The following PTPRN2 variants were observed in gnomAD, a reference collection of about 807,000 sequenced individuals.
PTPRN2 encodes the protein protein tyrosine phosphatase receptor type N2.
In PTPRN2, 74 loss-of-function variants were observed where a neutral mutation model predicts 118.8. The observed-to-expected ratio is 0.62, with a 90% CI of 0.52 to 0.76. PTPRN2 has a LOEUF of 0.76. Among genes scored for constraint, PTPRN2 ranks in the 30% least tolerant of loss-of-function variants. PTPRN2 has a pLI of 0.00. For synonymous variants in PTPRN2, 641 were observed against 608.0 expected (o/e 1.05, Z -0.80); for missense variants, 1,481 against 1,394.4 (o/e 1.06, Z -0.99).
At chr7:158,104,052 G>A (rs982501756) in intron 10 of PTPRN2, among the ~76,000 whole-genome samples, 1 of 151,962 alleles carries the variant, frequency 6.6e-6, no homozygotes, top group Non-Finnish European at 1.5e-5. Context: ...AAGTAGAGAT[G>A]GGGTTTCACC....
intron 9 of PTPRN2, among the ~76,000 whole-genome samples, chr7:158,122,703 A>G (rs772937127): frequency 1.2e-4 from 19 of 152,236 alleles, no homozygotes; most frequent in Non-Finnish European, 2.8e-4. Context: ...CCGAGGCTAG[A>G]GAAACTAAAG....
At chr7:158,164,224 C>T (rs28536012) in intron 6 of PTPRN2, among the ~76,000 whole-genome samples, 91,892 of 146,802 alleles carry the variant, frequency 0.63, 29,508 homozygotes, top group East Asian at 0.78. Flanking sequence ...CAGGAGCGCG[C>T]AGGAAGGGCT....
At chr7:157,950,489 A>C (rs1176373050) in intron 11 of PTPRN2, among the ~76,000 whole-genome samples, 1 of 151,560 alleles carries the variant, frequency 6.6e-6, no homozygotes, top group East Asian at 1.9e-4. Flanking sequence ...TGGGTGGGTC[A>C]AATGCTCACT....
Position 158,384,673 on chromosome 7 carries a change from A to T in PTPRN2, c.164-67741T>A, listed in dbSNP as rs1811199100. Among the ~76,000 whole-genome samples, 3 of 152,352 alleles carry T rather than the reference A, an allele frequency of 2.0e-5. No homozygotes were observed. The South Asian group carries it at 6.2e-4, about 32-fold the overall frequency. On this transcript the variant is annotated intron_variant, in intron 2 of 22. Transcript: ENST00000389418. ...GTGGGAGGGAATGAACCTTCCCTTC[A>T]TCAAAAATCACTGCAAACTGTGTGC...
intron 1 of PTPRN2, among the ~76,000 whole-genome samples, chr7:158,557,124 G>A (rs373939006): frequency 1.1e-4 from 14 of 130,834 alleles, no homozygotes; most frequent in Admixed American, 7.0e-4. Context: ...TCGCTCCCGC[G>A]CAGGGCAGGC....
At position 157,539,353 on chromosome 7, in the gene PTPRN2, CATCT is replaced by C. The variant is rs1440784961; in HGVS notation, c.*1357_*1360del. 5.9e-5 allele frequency: 9 copies of C among 151,958 alleles called. No homozygotes were observed. Among genetic ancestry groups the C allele is most frequent in the Admixed American group, 2.0e-4 (3 of 15,300 alleles). 9.4% of individuals were successfully genotyped at this position (151,958 alleles called of 1,614,324 possible). A position where few individuals can be genotyped will look rare whatever the true frequency, so the allele number is the denominator to read the frequency against. ...CTCTGGTAGGGCCTTTGGAGAGTAC[CATCT>C]ATCTAAGATGGAGGAATGCTGTGGG... is the stretch of plus-strand genomic sequence containing the variant. On this transcript the variant is annotated 3_prime_UTR_variant, in exon 23 of 23. Coordinates refer to ENST00000389418, the MANE Select transcript of PTPRN2 (RefSeq NM_002847.5).
At chr7:158,267,135 T>G (rs1416690105) in intron 3 of PTPRN2, among the ~76,000 whole-genome samples, 2 of 152,236 alleles carry the variant, frequency 1.3e-5, no homozygotes, top group Non-Finnish European at 2.9e-5. Flanking sequence ...TTAAGAGATC[T>G]AGAAATGTTG....
At chr7:157,756,307 T>A (rs1455184800) in intron 12 of PTPRN2, among the ~76,000 whole-genome samples, 1 of 150,802 alleles carries the variant, frequency 6.6e-6, no homozygotes. Flanking sequence ...TTAATTAATT[T>A]TTTTTTTTTT....
intron 2 of PTPRN2, among the ~76,000 whole-genome samples, chr7:158,329,852 T>C (rs1242261659): frequency 6.6e-6 from 1 of 152,164 alleles, no homozygotes; most frequent in Admixed American, 6.5e-5. Flanking sequence ...ACTTTCACTT[T>C]AGACTGTAGA....
intron 2 of PTPRN2, among the ~76,000 whole-genome samples, chr7:158,457,791 G>C (rs2951739): frequency 7.7e-6 from 1 of 129,668 alleles, no homozygotes; most frequent in Non-Finnish European, 1.6e-5. Flanking sequence ...CCCAGTCAGC[G>C]CACGGTGAGG....
rs565491219 is a variant in PTPRN2 at position 157,723,765 on chromosome 7, C to T, written c.1789-40828G>A. Among the ~76,000 whole-genome samples, 212 of 152,276 alleles carry T rather than the reference C, an allele frequency of 1.4e-3. 1 individual carries two copies. The highest frequency in any genetic ancestry group is 2.1e-3 in the Non-Finnish European group (142 of 68,028). On this transcript the variant is annotated intron_variant, in intron 12 of 22. Coordinates refer to ENST00000389418, the MANE Select transcript of PTPRN2 (RefSeq NM_002847.5). Reference sequence around the variant, plus strand: ...TGAAAGGCAAGCTCTGGAAGGAACACGGACCCTGAGCAAGTGTGAGAGACG... The same window carrying T: ...TGAAAGGCAAGCTCTGGAAGGAACATGGACCCTGAGCAAGTGTGAGAGACG...
intron 2 of PTPRN2, among the ~76,000 whole-genome samples, chr7:158,430,391 A>G (rs1816073671): frequency 6.6e-6 from 1 of 152,226 alleles, no homozygotes; most frequent in Non-Finnish European, 1.5e-5. Flanking sequence ...ACTTGTGGGA[A>G]GTCTCTGGTG....
intron 12 of PTPRN2, among the ~76,000 whole-genome samples, chr7:157,708,048 T>G (rs570246449): frequency 6.6e-6 from 1 of 152,378 alleles, no homozygotes; most frequent in African/African-American, 2.4e-5. Flanking sequence ...GCAGTGTGCA[T>G]CTGCCTTGGG....
At chr7:158,164,960 C>T (rs1487254776) in intron 6 of PTPRN2, among the ~76,000 whole-genome samples, 2 of 152,162 alleles carry the variant, frequency 1.3e-5, no homozygotes, top group Admixed American at 6.5e-5. Context: ...TACACGGACC[C>T]AAGGTCGCAA....
At chr7:158,395,631 G>T (rs1390934945) in intron 2 of PTPRN2, among the ~76,000 whole-genome samples, 1 of 104,992 alleles carries the variant, frequency 9.5e-6, no homozygotes, top group East Asian at 3.5e-4. Flanking sequence ...AGGGGCGAGG[G>T]GCCAGGGGCG....
At chr7:158,051,948 G>T (rs1809357375) in intron 11 of PTPRN2, among the ~76,000 whole-genome samples, 1 of 152,142 alleles carries the variant, frequency 6.6e-6, no homozygotes, top group Non-Finnish European at 1.5e-5. Flanking sequence ...AAAAGGTAGT[G>T]TTACTCATGC....
Position 158,022,048 on chromosome 7 carries a change from C to T in PTPRN2, c.1723+59250G>A, listed in dbSNP as rs78027139. Among the ~76,000 whole-genome samples, 58 of 152,262 alleles carry T rather than the reference C, an allele frequency of 3.8e-4. No homozygotes were observed. The East Asian group carries it at 0.011, about 28-fold the overall frequency. Reference sequence around the variant, plus strand: ...GGCGAGACCCCACACTCCAGCTGGCCTCCTCCCTGAAGGGCCAGATGGGTG... The same window carrying T: ...GGCGAGACCCCACACTCCAGCTGGCTTCCTCCCTGAAGGGCCAGATGGGTG... On this transcript the variant is annotated intron_variant, in intron 11 of 22. Transcript: ENST00000389418. The surrounding 1 kb of genome is among the most constrained non-coding windows in gnomAD (Gnocchi z 4.6).
chr7:158,110,562 T>C (rs1816148787), intron 10 of PTPRN2, among the ~76,000 whole-genome samples: 1 of 152,208 alleles, frequency 6.6e-6, no homozygotes, highest in Non-Finnish European at 1.5e-5. Flanking sequence ...CAGAATGTTC[T>C]AGAGCCTTCG....
In PTPRN2 at chr7:158,089,611, AT is replaced by A. The variant is rs1563419537; in HGVS notation, c.1644-8235del. ...TCTTCACACAAACCTTCTTCCCCTG[AT>A]GAAAGAGGGAGTCTTCACACAAACC... On this transcript the variant is annotated intron_variant, in intron 10 of 22. Transcript: ENST00000389418. Among the ~76,000 whole-genome samples, 298 of 122,054 alleles carry A rather than the reference AT, an allele frequency of 2.4e-3. 1 individual carries two copies. The highest frequency in any genetic ancestry group is 2.8e-3 in the Non-Finnish European group (155 of 55,948). 80.1% of individuals were successfully genotyped at this position (122,054 alleles called of 152,430 possible).
Sources: allele counts gnomAD v4.1 joint callset (sites outside exome capture counted in the v4.1 genomes callset), GRCh38; gene constraint gnomAD v4.1.1; non-coding constraint Gnocchi (gnomAD v3.1); transcripts MANE v1.5; gene names NCBI Gene and HGNC (gene_info 2026-07-23, HGNC 2026-07-21).